CNTLN: variants seen among roughly 807,000 people sequenced by gnomAD.
The protein encoded by CNTLN is centlein.
Under a neutral mutation model 180.0 loss-of-function variants are expected in CNTLN, and 212 were observed. The ratio of observed to expected loss-of-function variants is 1.18; its 90% confidence interval spans 1.05 to 1.32. CNTLN has a LOEUF of 1.32. Ranked by LOEUF, CNTLN falls within the 40% of genes most tolerant of loss-of-function variation. The pLI is 0.00. For synonymous variants in CNTLN, 722 were observed against 563.1 expected (o/e 1.28, Z -3.99); for missense variants, 2,095 against 1,610.9 (o/e 1.30, Z -5.14).
chr9:17,383,030 T>C (rs570842002), intron 13 of CNTLN, among the ~76,000 whole-genome samples: 51 of 152,276 alleles, frequency 3.3e-4, no homozygotes, highest in African/African-American at 1.2e-3. Context: ...CCTCCTCATC[T>C]TTAACAATAG....
At chr9:17,197,716 C>T (rs1341145846) in intron 2 of CNTLN, among the ~76,000 whole-genome samples, 1 of 152,164 alleles carries the variant, frequency 6.6e-6, no homozygotes, top group Non-Finnish European at 1.5e-5. Flanking sequence ...GCTTCCTTTG[C>T]TATGCAGAAG....
At chr9:17,301,166 A>T (rs1392246718) in intron 7 of CNTLN, 2 of 985,254 alleles carry the variant, frequency 2.0e-6, no homozygotes, top group African/African-American at 3.5e-5. Flanking sequence ...ACTTTTCCAA[A>T]TGGACTCTAG....
At chr9:17,164,278 C>T (rs115579635) in intron 2 of CNTLN, among the ~76,000 whole-genome samples, 2,115 of 143,890 alleles carry the variant, frequency 0.015, 46 homozygotes, top group African/African-American at 0.052. Flanking sequence ...CCTGACTGCA[C>T]TCCAGCCTGG....
intron 2 of CNTLN, among the ~76,000 whole-genome samples, chr9:17,164,050 C>T (rs1172309410): frequency 6.8e-6 from 1 of 146,854 alleles, no homozygotes; most frequent in Non-Finnish European, 1.5e-5. Flanking sequence ...AGTGGCTCAC[C>T]CCTGTAATCC....
At chr9:17,374,732 A>G (rs1407360675) in intron 13 of CNTLN, among the ~76,000 whole-genome samples, 1 of 152,046 alleles carries the variant, frequency 6.6e-6, no homozygotes, top group Non-Finnish European at 1.5e-5. Flanking sequence ...GGTGGCACAC[A>G]CACCTGTAAT....
intron 10 of CNTLN, among the ~76,000 whole-genome samples, chr9:17,340,144 C>T (rs1385773792): frequency 6.6e-6 from 1 of 151,838 alleles, no homozygotes; most frequent in Non-Finnish European, 1.5e-5. Context: ...AGCCCTGTTT[C>T]CAGAAAAATA....
At chr9:17,163,203 A>T (rs1819802134) in intron 2 of CNTLN, among the ~76,000 whole-genome samples, 1 of 152,136 alleles carries the variant, frequency 6.6e-6, no homozygotes, top group Admixed American at 6.5e-5. Context: ...CCTGTGATTG[A>T]GTTACCCCCC....
intron 8 of CNTLN, among the ~76,000 whole-genome samples, chr9:17,326,522 T>TATATAGTA (rs1820301413): frequency 6.6e-6 from 1 of 152,102 alleles, no homozygotes; most frequent in Admixed American, 6.6e-5. Flanking sequence ...TTTTATTACT[T>TATATAGTA]ATACATATAA....
intron 2 of CNTLN, among the ~76,000 whole-genome samples, chr9:17,164,277 A>T (rs1393246070): frequency 7.1e-6 from 1 of 141,766 alleles, no homozygotes; most frequent in Non-Finnish European, 1.5e-5. Context: ...GCCTGACTGC[A>T]CTCCAGCCTG....
At chr9:17,228,620 T>C (rs1824623867) in intron 3 of CNTLN, among the ~76,000 whole-genome samples, 1 of 152,066 alleles carries the variant, frequency 6.6e-6, no homozygotes, top group African/African-American at 2.4e-5. Context: ...CACTACTTTG[T>C]TTCTATGAGG....
intron 2 of CNTLN, among the ~76,000 whole-genome samples, chr9:17,172,585 A>T (rs978197441): frequency 6.6e-6 from 1 of 152,144 alleles, no homozygotes; most frequent in Non-Finnish European, 1.5e-5. Flanking sequence ...ATCTTGCTGT[A>T]TACTGCCTTT....
At chr9:17,165,001 A>G (rs1819969131) in intron 2 of CNTLN, among the ~76,000 whole-genome samples, 1 of 150,778 alleles carries the variant, frequency 6.6e-6, no homozygotes, top group Admixed American at 6.6e-5. Flanking sequence ...ATGCCCGGCT[A>G]ATTTTTTTTT....
In CNTLN at chr9:17,169,343, C is replaced by T. The variant is rs1023287732; in HGVS notation, c.449+25967C>T. On this transcript the variant is annotated intron_variant, in intron 2 of 25. Coordinates refer to ENST00000380647, the MANE Select transcript of CNTLN (RefSeq NM_017738.4). ...AAACCTGATAGAACATAATGACAGC[C>T]TTGTGAATATTAGGGGTCTCTTTTG... Among the ~76,000 whole-genome samples the T allele has an allele frequency of 2.6e-5, 4 of 152,246 alleles. No individual in the cohort carries two copies. In the South Asian group the frequency reaches 8.3e-4, roughly 32 times the overall value.
At chr9:17,375,566 A>G (rs1431715138) in intron 13 of CNTLN, among the ~76,000 whole-genome samples, 1 of 152,148 alleles carries the variant, frequency 6.6e-6, no homozygotes, top group Non-Finnish European at 1.5e-5. Context: ...AATGATACTC[A>G]TTTTTATTAT....
chr9:17,444,671 A>G (rs1442529), intron 18 of CNTLN, among the ~76,000 whole-genome samples: 1,673 of 152,326 alleles, frequency 0.011, 29 homozygotes, highest in African/African-American at 0.038. Context: ...CTTACTAAAG[A>G]TCTACATGAA....
the CNTLN span, among the ~76,000 whole-genome samples, chr9:17,509,456 T>C: frequency 2.0e-5 from 3 of 152,198 alleles, no homozygotes; most frequent in Non-Finnish European, 4.4e-5. Flanking sequence ...GCACACAGCA[T>C]TGTTTGTGAT....
chr9:17,257,123 C>A (rs1271370159), intron 5 of CNTLN, among the ~76,000 whole-genome samples: 1 of 151,910 alleles, frequency 6.6e-6, no homozygotes, highest in African/African-American at 2.4e-5. Context: ...CTATCCCTCC[C>A]CCCTCCTCCC....
chr9:17,193,646 G>T (rs544789828), intron 2 of CNTLN, among the ~76,000 whole-genome samples: 1 of 152,262 alleles, frequency 6.6e-6, no homozygotes, highest in Non-Finnish European at 1.5e-5. Context: ...TCACGGGCTG[G>T]CATCGAGTGT....
chr9:17,359,884 A>C (rs1823218642), intron 12 of CNTLN, among the ~76,000 whole-genome samples: 1 of 151,586 alleles, frequency 6.6e-6, no homozygotes, highest in East Asian at 1.9e-4. Flanking sequence ...TGGGCAACAG[A>C]GTGAGGCTGT....
Sources: gnomAD v4.1 joint callset for allele counts (sites outside exome capture counted in the v4.1 genomes callset) on GRCh38, gnomAD v4.1.1 for gene constraint, MANE v1.5 for transcripts, NCBI Gene and HGNC (gene_info 2026-07-23, HGNC 2026-07-21) for gene names.